The following CATSPER2 variants were observed in gnomAD, a reference collection of about 807,000 sequenced individuals.
The protein encoded by CATSPER2 is cation channel sperm associated 2, also known as cation channel sperm-associated protein 2.
Under a neutral mutation model 68.8 loss-of-function variants are expected in CATSPER2, and 56 were observed. The ratio of observed to expected loss-of-function variants is 0.81; its 90% CI spans 0.66 to 1.02. The LOEUF (loss-of-function observed/expected upper bound fraction) is 1.02, where lower values mean the gene tolerates loss of function less well. Among genes scored for constraint, CATSPER2 ranks in the 50% least tolerant of loss-of-function variants. CATSPER2 has a pLI of 0.00. For synonymous variants in CATSPER2, 198 were observed against 229.9 expected, an observed-to-expected ratio of 0.86 and a Z score of 1.26; for missense variants, 582 against 642.0, an observed-to-expected ratio of 0.91 and a Z score of 1.01.
rs551455399 is a variant in CATSPER2 at position 43,639,911 on chromosome 15, C to A, written c.562-113G>T. ...TCCCTGGGCGTTATCCCTTGAATAGCATTCTCTGAGAAGTGCTTACTATTC... is the reference window on the plus strand; with the variant it reads ...TCCCTGGGCGTTATCCCTTGAATAGAATTCTCTGAGAAGTGCTTACTATTC... On this transcript the variant is annotated intron_variant, in intron 5 of 12. Coordinates refer to ENST00000396879, the MANE Select transcript of CATSPER2 (RefSeq NM_172095.4). 7.4e-5 allele frequency: 118 copies of A among 1,596,996 alleles called. 1 individual carries two copies. The South Asian group carries it at 1.3e-3, about 17-fold the overall frequency.
In CATSPER2 at chr15:43,648,688, G is replaced by T. The variant is rs1249828498; in HGVS notation, c.-62C>A. The T allele has an allele frequency of 3.5e-6, 5 of 1,446,734 alleles. No homozygotes were observed. Among genetic ancestry groups the T allele is most frequent in the African/African-American group, 1.5e-5 (1 of 68,656 alleles). The allele number at this position is 1,446,734 out of a possible 1,614,324, so 89.6% of individuals were successfully genotyped here. On this transcript the variant is annotated 5_prime_UTR_variant, in exon 1 of 13. It adds an upstream start codon to the 5' untranslated region. Transcript: ENST00000396879. ...ATTTCACGCTTCCGCCTCCAGCTCA[G>T]GTGCCCCGAGCCTGGCTACCCCTAT...
rs1047591894 is a variant in CATSPER2 at position 43,632,070 on chromosome 15, G to T, written c.1561+129C>A. 5.9e-6 allele frequency: 6 copies of T among 1,020,890 alleles called. No homozygotes were observed. In the African/African-American group the frequency reaches 9.6e-5, roughly 16 times the overall value. 63.2% of individuals were successfully genotyped at this position (1,020,890 alleles called of 1,614,324 possible). ...TACCAAACCAAGAATTTTAGTTTCT[G>T]CCTATTTTAGTTGTAGGCAGAAATT... On this transcript the variant is annotated intron_variant, in intron 12 of 12. Coordinates refer to ENST00000396879, the MANE Select transcript of CATSPER2 (RefSeq NM_172095.4).
chr15:43,640,113 C>G, intron 5 of CATSPER2: 1 of 1,442,560 alleles, frequency 6.9e-7, no homozygotes, highest in Non-Finnish European at 9.1e-7. Context: ...GGCAGATGCT[C>G]TTGTTGGCAT....
Position 43,641,383 on chromosome 15 carries a change from G to T in CATSPER2, c.389-887C>A, listed in dbSNP as rs537526762. ...CCACCTCAGCCTCCCAAAGTGCTGG[G>T]ATTATAGGCGTGAGCCACCACACCT... On this transcript the variant is annotated intron_variant, in intron 4 of 12. Transcript: ENST00000396879. 2.0e-5 allele frequency among the ~76,000 whole-genome samples: 3 copies of T among 151,828 alleles called. No individual in the cohort carries two copies. In the East Asian group the frequency reaches 5.8e-4, roughly 29 times the overall value.
Position 43,640,337 on chromosome 15 carries a change from A to G in CATSPER2, c.548T>C (p.Val183Ala), listed in dbSNP as rs1368150855. 1.9e-6 allele frequency: 3 copies of G among 1,611,762 alleles called. No homozygotes were observed. The highest frequency in any genetic ancestry group is 2.5e-6 in the Non-Finnish European group (3 of 1,178,468). The change falls in exon 5 of 13, where the codon GTT (valine) becomes GCT (alanine). Residue 183 changes from valine to alanine, a missense_variant. Physicochemically the swap from Val to Ala is moderately conservative, Grantham distance 64. Transcript: ENST00000396879. ...CTCTATCCTTACCAACATGGTAACAACAAAGTCAAAGACATTCCAGGCACT... is the reference window on the plus strand; with the variant it reads ...CTCTATCCTTACCAACATGGTAACAGCAAAGTCAAAGACATTCCAGGCACT... ...WKSAWNVFDF[V>A]VTMLSLLPEV...
At position 43,633,033 on chromosome 15, in the gene CATSPER2, A is replaced by G. The variant is rs879578166; in HGVS notation, c.1179-99T>C. Reference sequence around the variant, plus strand: ...CCTGGCCACCCCCTAAAGCTGGGGCATAAGACAATGAGGGCCAAACTACTC... The same window carrying G: ...CCTGGCCACCCCCTAAAGCTGGGGCGTAAGACAATGAGGGCCAAACTACTC... On this transcript the variant is annotated intron_variant, in intron 10 of 12. Coordinates refer to ENST00000396879, the MANE Select transcript of CATSPER2 (RefSeq NM_172095.4). The G allele has an allele frequency of 1.4e-4, 131 of 967,614 alleles. 1 individual carries two copies. The highest frequency in any genetic ancestry group is 3.3e-4 in the Middle Eastern group (1 of 3,054). The allele number at this position is 967,614 out of a possible 1,614,324, so 59.9% of individuals were successfully genotyped here. A position where few individuals can be genotyped will look rare whatever the true frequency, so the allele number is the denominator to read the frequency against.
At chr15:43,631,591 A>G (rs2085873304) in intron 12 of CATSPER2, 3 of 309,368 alleles carry the variant, frequency 9.7e-6, no homozygotes, top group Non-Finnish European at 2.1e-5. Flanking sequence ...AATGAAATTT[A>G]GGAAAAATAA....
chr15:43,633,616 A>G (rs1203786910), intron 10 of CATSPER2: 1 of 153,640 alleles, frequency 6.5e-6, no homozygotes. Flanking sequence ...TTACCTTTTC[A>G]ATGAGGTCAC....
At chr15:43,643,875 G>A (rs568135917) in intron 4 of CATSPER2, among the ~76,000 whole-genome samples, 1 of 151,798 alleles carries the variant, frequency 6.6e-6, no homozygotes, top group Non-Finnish European at 1.5e-5. Flanking sequence ...TTGAGACAGG[G>A]TCTTGCTCTG....
chr15:43,642,471 A>T (rs993469666), intron 4 of CATSPER2: 52 of 140,128 alleles, frequency 3.7e-4, no homozygotes, highest in African/African-American at 1.3e-3. Context: ...AAATTCAATA[A>T]AATACAAAAT....
At chr15:43,641,723 TGAGA>T (rs954894737) in intron 4 of CATSPER2, among the ~76,000 whole-genome samples, 3 of 151,946 alleles carry the variant, frequency 2.0e-5, no homozygotes, top group African/African-American at 7.3e-5. Context: ...ATGCTTGTTT[TGAGA>T]GAGAATCTCA....
In CATSPER2 at chr15:43,639,034, G is replaced by A. The variant is rs371464646; in HGVS notation, c.718-6C>T. 201 of 1,611,640 alleles carry A rather than the reference G, an allele frequency of 1.2e-4. 4 individuals are homozygous for A. Among genetic ancestry groups the A allele is most frequent in the Non-Finnish European group, 1.5e-4 (179 of 1,178,738 alleles). Reference sequence around the variant, plus strand: ...ATCAAGAGGAAGGTCATGCTCTAGAGGCCATAACTCTCATGTCAGATGTGG... The same window carrying A: ...ATCAAGAGGAAGGTCATGCTCTAGAAGCCATAACTCTCATGTCAGATGTGG... On this transcript the variant is annotated splice_region_variant and splice_polypyrimidine_tract_variant and intron_variant, in intron 6 of 12. Transcript: ENST00000396879.
Position 43,647,183 on chromosome 15 carries a change from G to C in CATSPER2, c.320-65C>G. ...CTGATTTATGCAGCTGAAATAATAAGAGCAATAACATAAGCAGTGAAAATG... is the reference window on the plus strand; with the variant it reads ...CTGATTTATGCAGCTGAAATAATAACAGCAATAACATAAGCAGTGAAAATG... On this transcript the variant is annotated intron_variant, in intron 3 of 12. Coordinates refer to ENST00000396879, the MANE Select transcript of CATSPER2 (RefSeq NM_172095.4). 3.8e-6 allele frequency: 6 copies of C among 1,568,184 alleles called. No individual in the cohort carries two copies. The South Asian group carries it at 4.4e-5, about 12-fold the overall frequency.
rs537438961 is a variant in CATSPER2, at chr15:43,648,040, C to T, written c.22G>A (p.Glu8Lys). Residue 8 changes from glutamate (E) to lysine (K), a missense_variant, in exon 2 of 13, where the codon GAG becomes AAG. This residue lies in a region of CATSPER2 where 197 missense variants were observed against 191.0 expected (regional missense o/e 1.03). Transcript: ENST00000396879. MAAYQQE[E>K]QMQLPRADAI... ...TCAGCTCGGGGAAGCTGCATCTGCT[C>T]TTCTTGTTGGTAAGCGGCCATGTCT... 3 of 1,613,690 alleles carry T rather than the reference C, an allele frequency of 1.9e-6. No homozygotes were observed. In the South Asian group the frequency reaches 3.3e-5, roughly 18 times the overall value.
In CATSPER2 at chr15:43,639,068, A is replaced by T. The variant is rs753490249; in HGVS notation, c.718-40T>A. Reference sequence around the variant, plus strand: ...TCTCATGTCAGATGTGGGCCAAACTAGGCTGATCTCCACCAACAGCCCAGT... The same window carrying T: ...TCTCATGTCAGATGTGGGCCAAACTTGGCTGATCTCCACCAACAGCCCAGT... On this transcript the variant is annotated intron_variant, in intron 6 of 12. Coordinates refer to ENST00000396879, the MANE Select transcript of CATSPER2 (RefSeq NM_172095.4). The T allele has an allele frequency of 3.7e-6, 6 of 1,607,754 alleles. No individual in the cohort carries two copies. The South Asian group carries it at 6.6e-5, about 18-fold the overall frequency.
At chr15:43,633,941 G>C (rs1393767299) in intron 10 of CATSPER2, 2 of 150,932 alleles carry the variant, frequency 1.3e-5, no homozygotes, top group African/African-American at 4.9e-5. Flanking sequence ...CCTGGTGACA[G>C]AGCGAGACTC....
In CATSPER2 at chr15:43,643,509, G is replaced by T. The variant is rs2086108303; in HGVS notation, c.389-3013C>A. ...CGCATCACCATACCCACTAATTCTT[G>T]TATTTTCAGTAGAGACGGGGTTTCA... On this transcript the variant is annotated intron_variant, in intron 4 of 12. Transcript: ENST00000396879. Among the ~76,000 whole-genome samples the T allele has an allele frequency of 2.6e-5, 4 of 151,836 alleles. No homozygotes were observed. The South Asian group carries it at 8.3e-4, about 32-fold the overall frequency.
chr15:43,648,615 C>A lies in CATSPER2; in HGVS notation c.-3+14G>T. 1 of 1,390,258 alleles carries A rather than the reference C, an allele frequency of 7.2e-7. No homozygotes were observed. Among genetic ancestry groups the A allele is most frequent in the African/African-American group, 1.5e-5 (1 of 66,530 alleles). The allele number at this position is 1,390,258 out of a possible 1,614,324, so 86.1% of individuals were successfully genotyped here. On this transcript the variant is annotated intron_variant, in intron 1 of 12. Transcript: ENST00000396879. ...TAGCTCCTTCTCTCCTCCATTCTCG[C>A]TTCTGGGCCTCACCTCAGCCCAGGT...
intron 10 of CATSPER2, 127 bp from the exon 11 acceptor site, chr15:43,633,061 A>C: frequency 1.3e-6 from 1 of 783,360 alleles, no homozygotes; most frequent in Admixed American, 2.7e-5. Flanking sequence ...AACTACTCCC[A>C]AACTCTAAAC....
Sources: allele counts gnomAD v4.1 joint callset (sites outside exome capture counted in the v4.1 genomes callset), GRCh38; gene constraint gnomAD v4.1.1; regional missense constraint gnomAD v4.1.1; transcripts MANE v1.5; gene names NCBI Gene and HGNC (gene_info 2026-07-23, HGNC 2026-07-21).